The following ESCO2 variants were observed in gnomAD, a reference collection of about 807,000 sequenced individuals.
ESCO2 encodes the protein N-acetyltransferase ESCO2.
A neutral mutation model predicts 61.7 loss-of-function variants in ESCO2; 51 were observed. The observed-to-expected ratio is 0.83, with a 90% confidence interval of 0.66 to 1.04. ESCO2 has a LOEUF of 1.04. Among genes scored for constraint, ESCO2 ranks in the 50% least tolerant of loss-of-function variants. The pLI is 0.00. For missense variants in ESCO2, 692 were observed against 686.2 expected (o/e 1.01, Z -0.09); for synonymous variants, 230 against 238.2 (o/e 0.97, Z 0.32).
In ESCO2 at chr8:27,804,982, C is replaced by T; in HGVS notation, c.*1544C>T. ...TCAGATAATACAGAAATAGAGATTG[C>T]CAAAAGAAGAGGCTTCCCGGCCGGG... On this transcript the variant is annotated 3_prime_UTR_variant, in exon 11 of 11. Transcript: ENST00000305188. 1 of 292,886 alleles carries T rather than the reference C, an allele frequency of 3.4e-6. No homozygotes were observed. The highest frequency in any genetic ancestry group is 5.1e-6 in the Non-Finnish European group (1 of 197,774). The allele number at this position is 292,886 out of a possible 1,614,324, so 18.1% of individuals were successfully genotyped here. A position where few individuals can be genotyped will look rare whatever the true frequency, so the allele number is the denominator to read the frequency against.
At chr8:27,793,760 C>T (rs1805233260) in intron 9 of ESCO2, among the ~76,000 whole-genome samples, 1 of 152,194 alleles carries the variant, frequency 6.6e-6, no homozygotes, top group Non-Finnish European at 1.5e-5. Flanking sequence ...GCTGGGATTA[C>T]AGGCATGAGC....
At chr8:27,802,170 TAGG>T (rs1805445190) in intron 10 of ESCO2, among the ~76,000 whole-genome samples, 1 of 151,714 alleles carries the variant, frequency 6.6e-6, no homozygotes, top group African/African-American at 2.4e-5. Context: ...AAACAAGCTG[TAGG>T]AGATGTTGAA....
intron 3 of ESCO2, chr8:27,778,620 G>C (rs760747201): frequency 5.3e-5 from 8 of 152,148 alleles, no homozygotes; most frequent in Non-Finnish European, 1.0e-4. Flanking sequence ...GTTTCCCCAT[G>C]CATCTCCTGA....
downstream of ESCO2, among the ~76,000 whole-genome samples, chr8:27,806,232 CAT>C (rs1165136169): frequency 1.3e-5 from 2 of 152,182 alleles, no homozygotes; most frequent in South Asian, 2.1e-4. Context: ...TGCACAGAAA[CAT>C]ATTCCTATTG....
chr8:27,781,286 T>C (rs1271240599), intron 4 of ESCO2, among the ~76,000 whole-genome samples: 2 of 152,308 alleles, frequency 1.3e-5, no homozygotes, highest in East Asian at 3.9e-4. Flanking sequence ...TCACCTGCCT[T>C]GGCCTTGTTT....
chr8:27,776,409 ACT>A lies in ESCO2; in HGVS notation c.102_103del (p.His34GlnfsTer7), dbSNP rs2128951023. The A allele has an allele frequency of 1.9e-6, 3 of 1,608,572 alleles. No homozygotes were observed. The highest frequency in any genetic ancestry group is 2.5e-6 in the Non-Finnish European group (3 of 1,178,072). Reference sequence around the variant, plus strand: ...CTGTTTCCATCACCTAATAAAAAGCACTGTTTTTATCAAAACAGTGATAAAAA... The same window carrying A: ...CTGTTTCCATCACCTAATAAAAAGCAGTTTTTATCAAAACAGTGATAAAAA... On this transcript the variant is annotated frameshift_variant, in exon 3 of 11. Transcript: ENST00000305188. LOFTEE classifies it high-confidence loss of function.
In ESCO2 at chr8:27,788,839, A is replaced by T. The variant is rs1805108657; in HGVS notation, c.1132-8A>T. 1.2e-6 allele frequency: 2 copies of T among 1,613,872 alleles called. No individual in the cohort carries two copies. The highest frequency in any genetic ancestry group is 1.7e-6 in the Non-Finnish European group (2 of 1,179,958). On this transcript the variant is annotated splice_region_variant and splice_polypyrimidine_tract_variant and intron_variant, in intron 6 of 10. Transcript: ENST00000305188. ...AAATGGGTTTCTTTTTTTACCCCCC[A>T]ATTATAGGACGCTGGTCAGAAACAT...
At chr8:27,806,187 G>A (rs1805558276), downstream of ESCO2, among the ~76,000 whole-genome samples, 1 of 152,178 alleles carries the variant, frequency 6.6e-6, no homozygotes, top group Non-Finnish European at 1.5e-5. Flanking sequence ...GCTCAGTTAA[G>A]ATGGAAAAGG....
At chr8:27,776,289 C>G (rs1186182376) in intron 2 of ESCO2, 73 bp from the exon 3 acceptor site, 6 of 1,261,996 alleles carry the variant, frequency 4.8e-6, no homozygotes, top group Non-Finnish European at 5.6e-6. Flanking sequence ...ACAAGTAGAG[C>G]TTACTTAGCA....
intron 9 of ESCO2, among the ~76,000 whole-genome samples, chr8:27,797,204 T>C (rs1436912454): frequency 1.3e-5 from 2 of 152,230 alleles, no homozygotes; most frequent in Non-Finnish European, 2.9e-5. Flanking sequence ...CCCTACAATT[T>C]TGTATTCCTA....
chr8:27,805,816 A>T (rs552804209), downstream of ESCO2, among the ~76,000 whole-genome samples: 68 of 152,096 alleles, frequency 4.5e-4, no homozygotes, highest in African/African-American at 1.6e-3. Flanking sequence ...GAGTGTCACC[A>T]TGGTGCCCAG....
intron 9 of ESCO2, among the ~76,000 whole-genome samples, chr8:27,793,479 G>GTTTT (rs67670087): frequency 8.0e-6 from 1 of 125,508 alleles, no homozygotes; most frequent in Non-Finnish European, 1.7e-5. Context: ...CTTTTTCTTT[G>GTTTT]TTTTTTTTTT....
Position 27,804,022 on chromosome 8 carries a change from C to T in ESCO2, c.*584C>T, listed in dbSNP as rs1231089611. ...GGATTACAGTCATGAGCCACCGTGC[C>T]CAGCCTAATTCCTGACTTCTCTATA... is the stretch of plus-strand genomic sequence containing the variant. On this transcript the variant is annotated 3_prime_UTR_variant, in exon 11 of 11. Coordinates refer to ENST00000305188, the MANE Select transcript of ESCO2 (RefSeq NM_001017420.3). 2 of 986,474 alleles carry T rather than the reference C, an allele frequency of 2.0e-6. No individual in the cohort carries two copies. Among genetic ancestry groups the T allele is most frequent in the African/African-American group, 1.7e-5 (1 of 57,162 alleles). The allele number at this position is 986,474 out of a possible 1,614,324, so 61.1% of individuals were successfully genotyped here.
At chr8:27,794,625 T>C (rs759764183) in intron 9 of ESCO2, among the ~76,000 whole-genome samples, 169 of 152,196 alleles carry the variant, frequency 1.1e-3, no homozygotes, top group Admixed American at 2.0e-3. Context: ...GCCCACATTT[T>C]TGGGGTCATA....
rs1205874736 is a variant in ESCO2, at chr8:27,803,449, A to G, written c.*11A>G. 1.2e-6 allele frequency: 2 copies of G among 1,612,386 alleles called. No individual in the cohort carries two copies. The highest frequency in any genetic ancestry group is 1.7e-6 in the Non-Finnish European group (2 of 1,178,674). ...AATTTTAATAGTTAAAGCTGATTTC[A>G]GTTATAAAGGAGTTACTATCTGGAT... On this transcript the variant is annotated 3_prime_UTR_variant, in exon 11 of 11. Coordinates refer to ENST00000305188, the MANE Select transcript of ESCO2 (RefSeq NM_001017420.3).
At chr8:27,815,273 G>C (rs997459090), downstream of ESCO2, among the ~76,000 whole-genome samples, 1 of 152,196 alleles carries the variant, frequency 6.6e-6, no homozygotes, top group Non-Finnish European at 1.5e-5. Context: ...CATTTATTCC[G>C]TTAACATTTT....
At chr8:27,775,775 C>G (rs1804776205) in intron 2 of ESCO2, among the ~76,000 whole-genome samples, 1 of 152,160 alleles carries the variant, frequency 6.6e-6, no homozygotes, top group Non-Finnish European at 1.5e-5. Flanking sequence ...GGAATCAAAG[C>G]TGTTTTTTAG....
chr8:27,775,110 C>G (rs1335237700), intron 1 of ESCO2, among the ~76,000 whole-genome samples: 2 of 152,198 alleles, frequency 1.3e-5, no homozygotes, highest in African/African-American at 4.8e-5. Context: ...TTTTCAGCAG[C>G]CTTACGACTT....
At chr8:27,796,981 G>C (rs1355843323) in intron 9 of ESCO2, among the ~76,000 whole-genome samples, 1 of 152,068 alleles carries the variant, frequency 6.6e-6, no homozygotes, top group Non-Finnish European at 1.5e-5. Context: ...GCATGGTAGT[G>C]CATGCCTATA....
Sources: gnomAD v4.1 joint callset for allele counts (sites outside exome capture counted in the v4.1 genomes callset) on GRCh38, gnomAD v4.1.1 for gene constraint, MANE v1.5 for transcripts, NCBI Gene and HGNC (gene_info 2026-07-23, HGNC 2026-07-21) for gene names.